PRR12: variants seen among roughly 807,000 people sequenced by gnomAD.
The protein encoded by PRR12 is proline rich 12.
A neutral mutation model predicts 138.0 loss-of-function variants in PRR12; 12 were observed. The observed-to-expected ratio is 0.09, with a 90% CI of 0.06 to 0.14. The LOEUF (loss-of-function observed/expected upper bound fraction) is 0.14, where lower values mean the gene tolerates loss of function less well. Among genes scored for constraint, PRR12 ranks in the 10% least tolerant of loss-of-function variants. The pLI is 1.00. For missense variants in PRR12, 2,692 were observed against 2,861.3 expected (o/e 0.94, Z 1.35); for synonymous variants, 1,567 against 1,291.7 (o/e 1.21, Z -4.57).
chr19:49,594,439 C>A lies in PRR12; in HGVS notation c.200-15C>A. 1 of 1,563,402 alleles carries A rather than the reference C, an allele frequency of 6.4e-7. No individual in the cohort carries two copies. On this transcript the variant is annotated splice_polypyrimidine_tract_variant and intron_variant, in intron 2 of 13. Coordinates refer to ENST00000418929, the MANE Select transcript of PRR12 (RefSeq NM_020719.3). This position sits in a 1 kb window ranked among gnomAD's most constrained non-coding sequence, Gnocchi z 5.6. Reference sequence around the variant, plus strand: ...CACCCCCACCTGGCTGACTATAACCCCTGTCCCCGGCCAGGCCTCTCTGGA... The same window carrying A: ...CACCCCCACCTGGCTGACTATAACCACTGTCCCCGGCCAGGCCTCTCTGGA...
chr19:49,605,350 C>T (rs547758285), intron 6 of PRR12, among the ~76,000 whole-genome samples: 247 of 152,140 alleles, frequency 1.6e-3, no homozygotes, highest in Admixed American at 3.1e-3. Flanking sequence ...GCAACCTCCA[C>T]CTCCCGGGTT....
Position 49,602,150 on chromosome 19 carries a change from T to C in PRR12, c.4773+232T>C, listed in dbSNP as rs77022068. 3.9e-5 allele frequency among the ~76,000 whole-genome samples: 6 copies of C among 152,340 alleles called. No homozygotes were observed. In the East Asian group the frequency reaches 1.2e-3, roughly 29 times the overall value. On this transcript the variant is annotated intron_variant, in intron 6 of 13. Transcript: ENST00000418929. ...TTACCTGTATATAAGGTAAAGCGAT[T>C]GTTAACGCGTATGTGTCTATATGTG...
rs1261147077 is a variant in PRR12, at chr19:49,597,010, C to G, written c.2675C>G (p.Pro892Arg). ...ELLGALEPLP[P>R]APGDTGVGPP... The stretch of plus-strand genomic sequence containing the variant: ...CTCGGGGCTCTGGAGCCGCTGCCCC[C>G]GGCGCCTGGGGATACTGGCGTAGGC... The change falls in exon 4 of 14, where the codon CCG (proline) becomes CGG (arginine). Residue 892 changes from proline (P) to arginine (R), a missense_variant. By Grantham distance (103) the Pro-to-Arg change is moderately radical (BLOSUM62 -2). Transcript: ENST00000418929. This position sits in a 1 kb window ranked among gnomAD's most constrained non-coding sequence, Gnocchi z 6.3. 1.7e-5 allele frequency: 26 copies of G among 1,557,520 alleles called. No individual in the cohort carries two copies. The highest frequency in any genetic ancestry group is 2.2e-5 in the Non-Finnish European group (25 of 1,153,708).
At chr19:49,591,797 C>T in intron 1 of PRR12, 57 bp downstream of exon 1, 2 of 935,018 alleles carry the variant, frequency 2.1e-6, no homozygotes, top group Non-Finnish European at 1.4e-6. Context: ...CCCAGCCGGG[C>T]CGGGCCGGGC....
chr19:49,603,753 G>A (rs184836052), intron 6 of PRR12, among the ~76,000 whole-genome samples: 153 of 152,082 alleles, frequency 1.0e-3, no homozygotes, highest in African/African-American at 2.8e-3. Context: ...TTTAATCTTC[G>A]ATGTGACATG....
intron 6 of PRR12, among the ~76,000 whole-genome samples, 170 bp downstream of exon 6, chr19:49,602,088 C>T (rs917088672): frequency 1.3e-5 from 2 of 152,112 alleles, no homozygotes; most frequent in African/African-American, 2.4e-5. Flanking sequence ...ACCTGCGGGC[C>T]TCAGAGGTGT....
In PRR12 at chr19:49,601,748, C is replaced by G; in HGVS notation, c.4603C>G (p.Pro1535Ala). ...TCCTGAGGAGCCCGCCGCCCCGTCTCCCGAAGACCCCGAGCTGCCGGACAC... is the reference window on the plus strand; with the variant it reads ...TCCTGAGGAGCCCGCCGCCCCGTCTGCCGAAGACCCCGAGCTGCCGGACAC... ...APPEEPAAPS[P>A]EDPELPDTRP... Residue 1535 changes from proline (P) to alanine (A), a missense_variant, in exon 6 of 14, where the codon CCC becomes GCC. Coordinates refer to ENST00000418929, the MANE Select transcript of PRR12 (RefSeq NM_020719.3). 2 of 1,565,784 alleles carry G rather than the reference C, an allele frequency of 1.3e-6. No individual in the cohort carries two copies. The highest frequency in any genetic ancestry group is 1.7e-6 in the Non-Finnish European group (2 of 1,158,282).
chr19:49,593,491 G>C, intron 2 of PRR12, 52 bp downstream of exon 2: 1 of 800,376 alleles, frequency 1.2e-6, no homozygotes, highest in South Asian at 1.5e-5. Flanking sequence ...CTCCCCCCGA[G>C]GCAGCTGATT....
intron 6 of PRR12, among the ~76,000 whole-genome samples, chr19:49,611,340 G>A (rs754643675): frequency 9.3e-5 from 14 of 150,498 alleles, no homozygotes; most frequent in Non-Finnish European, 1.8e-4. Flanking sequence ...CAAAAACAAA[G>A]AACAAAACAA....
At chr19:49,600,664 C>T (rs1020628215) in intron 5 of PRR12, among the ~76,000 whole-genome samples, 14 of 151,636 alleles carry the variant, frequency 9.2e-5, no homozygotes, top group Admixed American at 4.6e-4. Context: ...AACAAAAAAC[C>T]CCAAAAACAA....
chr19:49,622,544 A>G (rs940688069), intron 11 of PRR12, among the ~76,000 whole-genome samples: 1 of 149,848 alleles, frequency 6.7e-6, no homozygotes, highest in Non-Finnish European at 1.5e-5. Flanking sequence ...GTGAGCCAAG[A>G]TGGTACCACT....
rs2080782963 is a variant in PRR12 at position 49,597,611 on chromosome 19, G to A, written c.3276G>A (p.Lys1092=). 2 of 1,609,910 alleles carry A rather than the reference G, an allele frequency of 1.2e-6. No homozygotes were observed. The highest frequency in any genetic ancestry group is 1.7e-6 in the Non-Finnish European group (2 of 1,178,938). ...GCGACCCACCCTTCCAGACCCCCAA[G>A]AAGCTGTACGCCCAGGAGTACGAGT... ...RRRDPPFQTP[K]KLYAQEYEFE... The change falls in exon 4 of 14, where the codon AAG becomes AAA. Residue 1092 remains lysine (K), a synonymous_variant. Transcript: ENST00000418929. The surrounding 1 kb of genome is among the most constrained non-coding windows in gnomAD (Gnocchi z 6.3).
chr19:49,618,113 G>A (rs879473722), intron 9 of PRR12, among the ~76,000 whole-genome samples: 2 of 152,016 alleles, frequency 1.3e-5, no homozygotes, highest in African/African-American at 2.4e-5. Context: ...ATGAATGAAC[G>A]AACGAATGAA....
intron 1 of PRR12, 25 bp from the exon 2 acceptor site, chr19:49,593,302 C>A (rs1420585297): frequency 2.4e-6 from 3 of 1,246,810 alleles, no homozygotes; most frequent in Admixed American, 1.8e-5. Flanking sequence ...GGAAGAACCC[C>A]CTGACGTCTC....
chr19:49,609,713 G>A (rs1458254376), intron 6 of PRR12, among the ~76,000 whole-genome samples: 1 of 152,192 alleles, frequency 6.6e-6, no homozygotes, highest in Non-Finnish European at 1.5e-5. Flanking sequence ...CGCTGTGTTT[G>A]AGGTGTACAG....
Position 49,596,833 on chromosome 19 carries a change from C to A in PRR12, c.2498C>A (p.Pro833His). 1 of 1,594,054 alleles carries A rather than the reference C, an allele frequency of 6.3e-7. No individual in the cohort carries two copies. The change falls in exon 4 of 14, where the codon CCC (proline) becomes CAC (histidine). Residue 833 changes from proline (P) to histidine (H), a missense_variant. Physicochemically the swap from Pro to His is moderately conservative, Grantham distance 77. Coordinates refer to ENST00000418929, the MANE Select transcript of PRR12 (RefSeq NM_020719.3). This position sits in a 1 kb window ranked among gnomAD's most constrained non-coding sequence, Gnocchi z 5.6. ...GAGCCAGCCACCCGCGATGGGGCAC[C>A]CCAGCCACCTCCACCGCCACCCCCG... ...LLEPATRDGAPQPPPPPPPPP... is the reference protein window; with the variant it reads ...LLEPATRDGAHQPPPPPPPPP...
chr19:49,616,212 C>T lies in PRR12; in HGVS notation c.5490C>T (p.Ser1830=), dbSNP rs200097233. The part of the protein sequence containing the change: ...SDSESSPGAP[S]EDERAVPGRL... ...CGGAGTCCTCCCCTGGAGCCCCCAG[C>T]GAGGACGGTGAGGCCCTAGGCAGCC... Residue 1830 remains serine, a synonymous_variant, in exon 9 of 14, where the codon AGC becomes AGT. Transcript: ENST00000418929. The surrounding 1 kb of genome is among the most constrained non-coding windows in gnomAD (Gnocchi z 4.2). 4.0e-5 allele frequency: 62 copies of T among 1,531,264 alleles called. No individual in the cohort carries two copies. Among genetic ancestry groups the T allele is most frequent in the African/African-American group, 3.4e-4 (25 of 72,870 alleles). 94.9% of individuals were successfully genotyped at this position (1,531,264 alleles called of 1,614,324 possible).
In PRR12 at chr19:49,599,813, A is replaced by G; in HGVS notation, c.4220A>G (p.Asp1407Gly). 1 of 1,613,232 alleles carries G rather than the reference A, an allele frequency of 6.2e-7. No homozygotes were observed. The highest frequency in any genetic ancestry group is 8.5e-7 in the Non-Finnish European group (1 of 1,179,802). ...TCCTCCGCCATCTCTGCCCTCGATG[A>G]CCCACCCCTTGCTGGGCCAAAAGAC... is the stretch of plus-strand genomic sequence containing the variant. ...SISSAISALD[D>G]PPLAGPKDTS... is the part of the protein sequence containing the mutation. The change falls in exon 5 of 14, where the codon GAC becomes GGC. Residue 1407 changes from aspartate (D) to glycine (G), a missense_variant. Around this residue, in one of 11 missense-constraint regions of PRR12, gnomAD observed 231 missense variants for 200.8 expected, o/e 1.15. Coordinates refer to ENST00000418929, the MANE Select transcript of PRR12 (RefSeq NM_020719.3). The surrounding 1 kb of genome is among the most constrained non-coding windows in gnomAD (Gnocchi z 5.0).
intron 4 of PRR12, among the ~76,000 whole-genome samples, chr19:49,598,949 C>T (rs1035704444): frequency 6.6e-6 from 1 of 152,132 alleles, no homozygotes; most frequent in Non-Finnish European, 1.5e-5. Context: ...CACGAGCCAC[C>T]TCACCCGGTC....
Sources: allele counts gnomAD v4.1 joint callset (sites outside exome capture counted in the v4.1 genomes callset), GRCh38; gene constraint gnomAD v4.1.1; regional missense constraint gnomAD v4.1.1; non-coding constraint Gnocchi (gnomAD v3.1); transcripts MANE v1.5; gene names NCBI Gene and HGNC (gene_info 2026-07-23, HGNC 2026-07-21).